MAP2K5: variants seen among roughly 807,000 people sequenced by gnomAD.
MAP2K5 encodes the protein mitogen-activated protein kinase kinase 5, also known as dual specificity mitogen-activated protein kinase kinase 5.
MAP2K5 carries 49 observed loss-of-function variants against 83.1 expected under a neutral mutation model. The ratio of observed to expected loss-of-function variants is 0.59; its 90% CI spans 0.47 to 0.75. MAP2K5 has a LOEUF of 0.75. Ranked by LOEUF, MAP2K5 falls within the 30% of genes least tolerant of loss-of-function variation. MAP2K5 has a pLI of 0.00. For synonymous variants in MAP2K5, 202 were observed against 191.8 expected (o/e 1.05, Z -0.44); for missense variants, 457 against 557.5 (o/e 0.82, Z 1.82).
At chr15:67,574,992 G>T in intron 3 of MAP2K5, among the ~76,000 whole-genome samples, 1 of 152,190 alleles carries the variant, frequency 6.6e-6, no homozygotes, top group Non-Finnish European at 1.5e-5. Flanking sequence ...TCATAGTGAT[G>T]GTATTTCCTG....
rs148383401 is a variant in MAP2K5, at chr15:67,806,526, G to A, written c.1243-120G>A. The A allele has an allele frequency of 5.8e-5, 50 of 855,804 alleles. No individual in the cohort carries two copies. The African/African-American group carries it at 6.0e-4, about 10-fold the overall frequency. The allele number at this position is 855,804 out of a possible 1,614,324, so 53.0% of individuals were successfully genotyped here. ...TGAAATGGAGCTGATAGCCTCCCTC[G>A]TTACCTCACAGGGTTACTGGGGAAA... On this transcript the variant is annotated intron_variant, in intron 21 of 21. Transcript: ENST00000178640.
rs188106605 is a variant in MAP2K5, at chr15:67,635,335, C to T, written c.585+4408C>T. ...GACTACAGGCGCCTGCCACCACGCC[C>T]GGCTAATTTTTTTCTACTTTTAGTA... On this transcript the variant is annotated intron_variant, in intron 9 of 21. Transcript: ENST00000178640. Among the ~76,000 whole-genome samples the T allele has an allele frequency of 3.1e-3, 473 of 152,022 alleles. 1 individual carries two copies. Among genetic ancestry groups the T allele is most frequent in the Non-Finnish European group, 4.8e-3 (328 of 67,956 alleles).
intron 9 of MAP2K5, among the ~76,000 whole-genome samples, chr15:67,634,981 C>T (rs1026722627): frequency 6.6e-6 from 1 of 151,920 alleles, no homozygotes; most frequent in African/African-American, 2.4e-5. Flanking sequence ...CTGTATGCCC[C>T]CTTTTTTAAG....
At chr15:67,706,333 G>A (rs2088553471) in intron 16 of MAP2K5, among the ~76,000 whole-genome samples, 1 of 152,144 alleles carries the variant, frequency 6.6e-6, no homozygotes, top group African/African-American at 2.4e-5. Flanking sequence ...GAGGACTGAA[G>A]AAAACAGACT....
At chr15:67,741,157 T>C (rs1011709240) in intron 17 of MAP2K5, among the ~76,000 whole-genome samples, 1 of 152,058 alleles carries the variant, frequency 6.6e-6, no homozygotes, top group Non-Finnish European at 1.5e-5. Context: ...GTGGGTGTCA[T>C]ACTTTATGAG....
intron 13 of MAP2K5, among the ~76,000 whole-genome samples, chr15:67,674,177 G>T (rs535007368): frequency 6.6e-6 from 1 of 152,230 alleles, no homozygotes; most frequent in African/African-American, 2.4e-5. Flanking sequence ...ACTGGTTAGT[G>T]CTTGAGTAAC....
In MAP2K5 at chr15:67,703,556, C is replaced by A. The variant is rs529504911; in HGVS notation, c.1044+148C>A. On this transcript the variant is annotated intron_variant, in intron 16 of 21. Transcript: ENST00000178640. ...GAGTTTGACCATAAAGTCTTTGATT[C>A]CTTGTGTGGCTTGTGAACTGACTCT... 23 of 620,924 alleles carry A rather than the reference C, an allele frequency of 3.7e-5. No homozygotes were observed. The African/African-American group carries it at 3.9e-4, about 11-fold the overall frequency. The allele number at this position is 620,924 out of a possible 1,614,324, so 38.5% of individuals were successfully genotyped here. A position where few individuals can be genotyped will look rare whatever the true frequency, so the allele number is the denominator to read the frequency against.
At chr15:67,713,758 G>A (rs72751413) in intron 16 of MAP2K5, among the ~76,000 whole-genome samples, 118 of 152,024 alleles carry the variant, frequency 7.8e-4, no homozygotes, top group Admixed American at 1.6e-3. Context: ...AAGTGGCATG[G>A]ATCACCCAGC....
At chr15:67,739,061 C>T (rs1007867316) in intron 17 of MAP2K5, among the ~76,000 whole-genome samples, 6 of 152,090 alleles carry the variant, frequency 3.9e-5, no homozygotes, top group Non-Finnish European at 7.4e-5. Flanking sequence ...AGGAGACTCA[C>T]GTGAGCCCAG....
At chr15:67,721,164 A>G (rs923940860) in intron 16 of MAP2K5, among the ~76,000 whole-genome samples, 1 of 152,060 alleles carries the variant, frequency 6.6e-6, no homozygotes, top group East Asian at 1.9e-4. Flanking sequence ...GTTCCAGGGT[A>G]CATGTGCAGG....
intron 21 of MAP2K5, among the ~76,000 whole-genome samples, chr15:67,787,060 C>G (rs2090431632): frequency 6.6e-6 from 1 of 152,154 alleles, no homozygotes; most frequent in African/African-American, 2.4e-5. Flanking sequence ...CTGTGCACAC[C>G]AGAGAGTAGT....
intron 15 of MAP2K5, among the ~76,000 whole-genome samples, chr15:67,699,948 C>T (rs2088372400): frequency 6.9e-6 from 1 of 145,220 alleles, no homozygotes; most frequent in Non-Finnish European, 1.5e-5. Flanking sequence ...TTCTGTCTGC[C>T]TACACAGGGA....
chr15:67,595,840 A>G (rs2085512770), intron 7 of MAP2K5, among the ~76,000 whole-genome samples: 2 of 152,238 alleles, frequency 1.3e-5, no homozygotes, highest in South Asian at 2.1e-4. Context: ...ATAGTGTGGC[A>G]TCATCTGTTT....
intron 16 of MAP2K5, among the ~76,000 whole-genome samples, chr15:67,716,086 TG>T (rs1323224834): frequency 1.3e-5 from 2 of 152,214 alleles, no homozygotes; most frequent in African/African-American, 4.8e-5. Flanking sequence ...TGCTAGTCAC[TG>T]GGGACACTGC....
Position 67,698,326 on chromosome 15 carries a change from T to C in MAP2K5, c.972+4758T>C, listed in dbSNP as rs2088317611. On this transcript the variant is annotated intron_variant, in intron 15 of 21. Coordinates refer to ENST00000178640, the MANE Select transcript of MAP2K5 (RefSeq NM_145160.3). The surrounding 1 kb of genome is among the most constrained non-coding windows in gnomAD (Gnocchi z 4.5). ...CCTCAGCCTCCAGAGTAGCTGGGAT[T>C]ACAGGCGTGCACCACCACGCCCGGC... Among the ~76,000 whole-genome samples, 1 of 152,078 alleles carries C rather than the reference T, an allele frequency of 6.6e-6. No individual in the cohort carries two copies. The highest frequency in any genetic ancestry group is 6.5e-5 in the Admixed American group (1 of 15,268).
In MAP2K5 at chr15:67,806,744, C is replaced by CAG. The variant is rs2090818744; in HGVS notation, c.1341_1342insAG (p.Pro448SerfsTer9). ...AGGAGAGGCGGAGCCAGCAGGGGCCCCCGTGAGGCTGCCGCAGGGCACTGA... is the reference window on the plus strand; with the variant it reads ...AGGAGAGGCGGAGCCAGCAGGGGCCCAGCCGTGAGGCTGCCGCAGGGCACTGA... On this transcript the variant is annotated frameshift_variant, in exon 22 of 22. Transcript: ENST00000178640. LOFTEE classifies it high-confidence loss of function. 9 of 1,555,262 alleles carry CAG rather than the reference C, an allele frequency of 5.8e-6. No individual in the cohort carries two copies. The highest frequency in any genetic ancestry group is 7.8e-6 in the Non-Finnish European group (9 of 1,151,754).
chr15:67,697,361 C>G (rs544759985), intron 15 of MAP2K5, among the ~76,000 whole-genome samples: 1 of 152,270 alleles, frequency 6.6e-6, no homozygotes, highest in Non-Finnish European at 1.5e-5. Context: ...TTATTATTCT[C>G]ATTTTAGAGA....
intron 6 of MAP2K5, among the ~76,000 whole-genome samples, chr15:67,590,100 A>G (rs1238091609): frequency 6.6e-6 from 1 of 152,152 alleles, no homozygotes; most frequent in African/African-American, 2.4e-5. Flanking sequence ...ACTTTAGTGC[A>G]TCGATTCTTA....
chr15:67,771,675 A>C (rs558515713), intron 20 of MAP2K5, among the ~76,000 whole-genome samples: 29 of 152,286 alleles, frequency 1.9e-4, no homozygotes, highest in Admixed American at 1.8e-3. Context: ...GCATATGGTT[A>C]TTTATAGGGA....
Sources: gnomAD v4.1 joint callset for allele counts (sites outside exome capture counted in the v4.1 genomes callset) on GRCh38, gnomAD v4.1.1 for gene constraint, Gnocchi (gnomAD v3.1) non-coding constraint, MANE v1.5 for transcripts, NCBI Gene and HGNC (gene_info 2026-07-23, HGNC 2026-07-21) for gene names.